The following NEGR1 variants were observed in gnomAD, a reference collection of about 807,000 sequenced individuals.
The protein encoded by NEGR1 is IgLON family member 4.
NEGR1 carries 10 observed loss-of-function variants against 40.9 expected under a neutral mutation model. That is an observed-to-expected ratio of 0.24 (90% CI 0.15 to 0.42). The LOEUF (loss-of-function observed/expected upper bound fraction) is 0.42, where lower values mean the gene tolerates loss of function less well. Ranked by LOEUF, NEGR1 falls within the 10% of genes least tolerant of loss-of-function variation. NEGR1 has a pLI of 1.00. For synonymous variants in NEGR1, 185 were observed against 166.8 expected (o/e 1.11, Z -0.84); for missense variants, 352 against 438.9 (o/e 0.80, Z 1.77).
At chr1:71,579,851 A>C (rs2101503622) in intron 6 of NEGR1, among the ~76,000 whole-genome samples, 1 of 152,298 alleles carries the variant, frequency 6.6e-6, no homozygotes, top group Middle Eastern at 3.4e-3. Flanking sequence ...TTGCAAAATA[A>C]GCATCCTCTG....
At chr1:71,557,627 C>A (rs1041393519) in intron 6 of NEGR1, among the ~76,000 whole-genome samples, 1 of 151,522 alleles carries the variant, frequency 6.6e-6, no homozygotes, top group East Asian at 1.9e-4. Context: ...GGAGAAACTG[C>A]AATAATGAAG....
In NEGR1 at chr1:71,515,779, C is replaced by A. The variant is rs1323064034; in HGVS notation, c.940+77038G>T. On this transcript the variant is annotated intron_variant, in intron 6 of 6. Transcript: ENST00000357731. The stretch of plus-strand genomic sequence containing the variant: ...GCTCCAATTAAAAGACACAGACTGG[C>A]AAATTGGATAAAGAGTCAAGACCCA... 2.4e-4 allele frequency among the ~76,000 whole-genome samples: 32 copies of A among 134,272 alleles called. 1 individual carries two copies. The highest frequency in any genetic ancestry group is 4.5e-4 in the Non-Finnish European group (29 of 64,076). The allele number at this position is 134,272 out of a possible 152,430, so 88.1% of individuals were successfully genotyped here.
At chr1:72,237,604 C>T (rs1226674722) in intron 1 of NEGR1, among the ~76,000 whole-genome samples, 1 of 151,912 alleles carries the variant, frequency 6.6e-6, no homozygotes, top group African/African-American at 2.4e-5. Flanking sequence ...AATTAAATGT[C>T]AACTGGATGA....
At chr1:72,028,705 G>C (rs1646832363) in intron 1 of NEGR1, among the ~76,000 whole-genome samples, 1 of 152,158 alleles carries the variant, frequency 6.6e-6, no homozygotes, top group Non-Finnish European at 1.5e-5. Flanking sequence ...TCAAGATTCT[G>C]CTGAAATATT....
At position 72,211,959 on chromosome 1, in the gene NEGR1, G is replaced by T. The variant is rs537638497; in HGVS notation, c.176+70360C>A. Among the ~76,000 whole-genome samples the T allele has an allele frequency of 3.1e-3, 476 of 151,912 alleles. 4 individuals are homozygous for T. The highest frequency in any genetic ancestry group is 0.011 in the African/African-American group (461 of 41,480). On this transcript the variant is annotated intron_variant, in intron 1 of 6. Transcript: ENST00000357731. The stretch of plus-strand genomic sequence containing the variant: ...TCATCTGCAATGCAAAGTGGTAAAT[G>T]AACCAGATTTTGGAAAATGTTTTTA...
chr1:71,856,767 G>C (rs1659780768), intron 2 of NEGR1, among the ~76,000 whole-genome samples: 1 of 152,016 alleles, frequency 6.6e-6, no homozygotes, highest in African/African-American at 2.4e-5. Flanking sequence ...AATTTCAGCT[G>C]CTCTATGAAA....
intron 3 of NEGR1, among the ~76,000 whole-genome samples, chr1:71,715,175 A>G (rs1654234198): frequency 6.6e-6 from 1 of 152,184 alleles, no homozygotes; most frequent in Admixed American, 6.5e-5. Flanking sequence ...AGCCAGAGCT[A>G]TACATTGATC....
intron 2 of NEGR1, among the ~76,000 whole-genome samples, chr1:71,814,121 G>T (rs765949436): frequency 6.6e-6 from 1 of 152,056 alleles, no homozygotes; most frequent in Non-Finnish European, 1.5e-5. Flanking sequence ...CTAGATTATT[G>T]AGAGTTTTTA....
chr1:72,096,004 T>C (rs1648683097), intron 1 of NEGR1, among the ~76,000 whole-genome samples: 3 of 152,164 alleles, frequency 2.0e-5, no homozygotes, highest in African/African-American at 7.2e-5. Context: ...CCAAAGGGTA[T>C]GATTCTTAAA....
intron 3 of NEGR1, among the ~76,000 whole-genome samples, chr1:71,722,633 C>A (rs1223525446): frequency 6.6e-6 from 1 of 151,982 alleles, no homozygotes; most frequent in South Asian, 2.1e-4. Context: ...CTTGGGCAAG[C>A]CTTTTTAACA....
rs138047469 is a variant in NEGR1, at chr1:71,874,730, G to T, written c.409+60349C>A. Among the ~76,000 whole-genome samples the T allele has an allele frequency of 1.1e-3, 167 of 152,272 alleles. 5 individuals are homozygous for T. In the East Asian group the frequency reaches 0.03, roughly 27 times the overall value. On this transcript the variant is annotated intron_variant, in intron 2 of 6. Coordinates refer to ENST00000357731, the MANE Select transcript of NEGR1 (RefSeq NM_173808.3). ...GATGTTCAAGTATCTTCAAATAAAA[G>T]ATAGTTTACACTAAGACTTGATTTT...
chr1:71,677,479 G>A (rs1652682662), intron 4 of NEGR1, among the ~76,000 whole-genome samples: 1 of 152,120 alleles, frequency 6.6e-6, no homozygotes, highest in African/African-American at 2.4e-5. Flanking sequence ...CACTCACTGA[G>A]TGAACATTGG....
chr1:72,050,827 G>A (rs1445009941), intron 1 of NEGR1, among the ~76,000 whole-genome samples: 3 of 151,592 alleles, frequency 2.0e-5, no homozygotes, highest in South Asian at 2.1e-4. Context: ...CTTACTCTGG[G>A]AGAAGCTAAT....
intron 1 of NEGR1, among the ~76,000 whole-genome samples, chr1:72,042,130 C>G (rs1387771801): frequency 6.6e-6 from 1 of 151,350 alleles, no homozygotes; most frequent in African/African-American, 2.4e-5. Context: ...CATGTGGGGT[C>G]CTTCAGCCAG....
At chr1:71,862,782 G>A (rs776098266) in intron 2 of NEGR1, among the ~76,000 whole-genome samples, 1 of 151,970 alleles carries the variant, frequency 6.6e-6, no homozygotes, top group Admixed American at 6.6e-5. Flanking sequence ...TTAAAAAGTG[G>A]GCAAAGGCAT....
At chr1:72,259,712 A>G (rs1248476809) in intron 1 of NEGR1, among the ~76,000 whole-genome samples, 5 of 152,092 alleles carry the variant, frequency 3.3e-5, no homozygotes, top group African/African-American at 1.2e-4. Context: ...ATCCTTCTAA[A>G]GGGTATCATG....
In NEGR1 at chr1:71,406,619, C is replaced by T. The variant is rs1646279397; in HGVS notation, c.*827G>A. On this transcript the variant is annotated 3_prime_UTR_variant, in exon 7 of 7. Transcript: ENST00000357731. ...TTACTATACTGTTATTAAATTGTCTCTCATCACAAGAACTGAGTTAGTGTG... is the reference window on the plus strand; with the variant it reads ...TTACTATACTGTTATTAAATTGTCTTTCATCACAAGAACTGAGTTAGTGTG... 1 of 152,364 alleles carries T rather than the reference C, an allele frequency of 6.6e-6. No homozygotes were observed. Among genetic ancestry groups the T allele is most frequent in the Non-Finnish European group, 1.5e-5 (1 of 67,912 alleles). 9.4% of individuals were successfully genotyped at this position (152,364 alleles called of 1,614,324 possible).
intron 1 of NEGR1, among the ~76,000 whole-genome samples, chr1:72,186,274 A>G (rs1408139604): frequency 2.6e-5 from 4 of 151,776 alleles, no homozygotes; most frequent in Non-Finnish European, 5.9e-5. Context: ...AACATTAACT[A>G]TAATCAAGTT....
At chr1:72,011,176 G>A (rs1230558518) in intron 1 of NEGR1, among the ~76,000 whole-genome samples, 3 of 152,082 alleles carry the variant, frequency 2.0e-5, no homozygotes, top group Non-Finnish European at 4.4e-5. Context: ...GGGGGCTGAT[G>A]AACATTCTGA....
Sources: gnomAD v4.1 joint callset for allele counts (sites outside exome capture counted in the v4.1 genomes callset) on GRCh38, gnomAD v4.1.1 for gene constraint, MANE v1.5 for transcripts, NCBI Gene and HGNC (gene_info 2026-07-23, HGNC 2026-07-21) for gene names.